Variants in SEZ6L observed in about 807,000 individuals in gnomAD.
The protein encoded by SEZ6L is seizure related 6 homolog like.
In SEZ6L, 37 loss-of-function variants were observed where a neutral mutation model predicts 106.2. The ratio of observed to expected loss-of-function variants is 0.35; its 90% CI spans 0.27 to 0.46. The LOEUF (loss-of-function observed/expected upper bound fraction) is 0.46. Ranked by LOEUF, SEZ6L falls within the 20% of genes least tolerant of loss-of-function variation. SEZ6L has a pLI of 1.00. For synonymous variants in SEZ6L, 541 were observed against 570.4 expected (o/e 0.95, Z 0.73); for missense variants, 1,172 against 1,332.8 (o/e 0.88, Z 1.88).
intron 1 of SEZ6L, among the ~76,000 whole-genome samples, chr22:26,176,908 C>A (rs1435559380): frequency 6.6e-6 from 1 of 152,140 alleles, no homozygotes; most frequent in Non-Finnish European, 1.5e-5. Context: ...CACATTTTAT[C>A]CCTCTACTAT....
At chr22:26,293,939 T>C (rs551623056) in intron 2 of SEZ6L, among the ~76,000 whole-genome samples, 55 of 152,306 alleles carry the variant, frequency 3.6e-4, no homozygotes, top group African/African-American at 1.3e-3. Context: ...TCAAAGCACG[T>C]GAGCTCTGGG....
chr22:26,181,996 C>T (rs926901824), intron 1 of SEZ6L, among the ~76,000 whole-genome samples: 3 of 152,194 alleles, frequency 2.0e-5, no homozygotes, highest in Non-Finnish European at 4.4e-5. Flanking sequence ...TTATTAATCA[C>T]TGCCCCATAG....
chr22:26,298,776 C>T (rs561919610), intron 4 of SEZ6L, among the ~76,000 whole-genome samples: 66 of 152,164 alleles, frequency 4.3e-4, no homozygotes, highest in African/African-American at 1.5e-3. Context: ...GGCAGGGTGG[C>T]GATTTTTAAG....
chr22:26,234,219 G>A (rs1368317985), intron 1 of SEZ6L, among the ~76,000 whole-genome samples: 1 of 152,182 alleles, frequency 6.6e-6, no homozygotes, highest in African/African-American at 2.4e-5. Context: ...GCTCCTTGCT[G>A]CATCTTGGGA....
At chr22:26,328,903 C>T (rs2056506511) in intron 9 of SEZ6L, among the ~76,000 whole-genome samples, 1 of 152,132 alleles carries the variant, frequency 6.6e-6, no homozygotes, top group African/African-American at 2.4e-5. Flanking sequence ...CCTGGCTGCC[C>T]AGGAGAACCC....
intron 9 of SEZ6L, 83 bp downstream of exon 9, chr22:26,313,985 A>C: frequency 7.2e-7 from 1 of 1,384,462 alleles, no homozygotes. Context: ...TATTCTTTCA[A>C]CCAATATTAA....
At chr22:26,341,488 G>A (rs906956657) in intron 10 of SEZ6L, among the ~76,000 whole-genome samples, 4 of 151,988 alleles carry the variant, frequency 2.6e-5, no homozygotes, top group African/African-American at 7.3e-5. Flanking sequence ...CTAGACTCAC[G>A]CCCTCCATGC....
intron 13 of SEZ6L, among the ~76,000 whole-genome samples, chr22:26,366,906 C>T (rs2083833889): frequency 6.6e-6 from 1 of 152,146 alleles, no homozygotes; most frequent in Non-Finnish European, 1.5e-5. Context: ...TCCTCTGCCT[C>T]TGAGTAGCTG....
intron 1 of SEZ6L, among the ~76,000 whole-genome samples, chr22:26,261,163 T>C (rs1265623165): frequency 6.6e-6 from 1 of 152,208 alleles, no homozygotes; most frequent in Non-Finnish European, 1.5e-5. Flanking sequence ...AGTGTGAAGA[T>C]TTTCTCTCAC....
At chr22:26,377,617 T>C in intron 15 of SEZ6L, 56 bp from the exon 16 acceptor site, 3 of 1,403,904 alleles carry the variant, frequency 2.1e-6, no homozygotes, top group Non-Finnish European at 3.0e-6. Flanking sequence ...CGTTCAATAT[T>C]GTAATGTTTC....
intron 1 of SEZ6L, among the ~76,000 whole-genome samples, chr22:26,265,830 G>A (rs2080158348): frequency 6.6e-6 from 1 of 152,150 alleles, no homozygotes; most frequent in African/African-American, 2.4e-5. Context: ...ATAGGGAGGT[G>A]AGGATCATTC....
At chr22:26,310,413 G>A (rs925653508) in intron 6 of SEZ6L, among the ~76,000 whole-genome samples, 4 of 152,190 alleles carry the variant, frequency 2.6e-5, no homozygotes, top group African/African-American at 7.2e-5. Context: ...GGACACACCT[G>A]TAATCTCAGC....
chr22:26,179,741 C>T (rs1162186331), intron 1 of SEZ6L, among the ~76,000 whole-genome samples: 1 of 152,210 alleles, frequency 6.6e-6, no homozygotes, highest in Non-Finnish European at 1.5e-5. Flanking sequence ...CATGCATCTG[C>T]TTCTCCCCAC....
intron 12 of SEZ6L, among the ~76,000 whole-genome samples, chr22:26,355,846 A>G (rs766645878): frequency 6.6e-6 from 1 of 152,228 alleles, no homozygotes; most frequent in Non-Finnish European, 1.5e-5. Context: ...ACTGAAAGCC[A>G]TATCTTTTTA....
intron 9 of SEZ6L, among the ~76,000 whole-genome samples, chr22:26,316,004 A>G (rs1212034288): frequency 6.6e-6 from 1 of 152,082 alleles, no homozygotes; most frequent in Non-Finnish European, 1.5e-5. Context: ...GCAGTGAGCC[A>G]TGATTGCACC....
In SEZ6L at chr22:26,347,832, G is replaced by A. The variant is rs748996632; in HGVS notation, c.2326G>A (p.Gly776Ser). 22 of 1,605,372 alleles carry A rather than the reference G, an allele frequency of 1.4e-5. No individual in the cohort carries two copies. Among genetic ancestry groups the A allele is most frequent in the East Asian group, 2.3e-5 (1 of 44,088 alleles). The change falls in exon 11 of 17, where the codon GGC becomes AGC. Residue 776 changes from glycine to serine, a missense_variant. Coordinates refer to ENST00000248933, the MANE Select transcript of SEZ6L (RefSeq NM_021115.5). Reference sequence around the variant, plus strand: ...CAGAATCACCTACCAGTGTGACCCCGGCTATGACATCGTGGGGAGTGACAC... The same window carrying A: ...CAGAATCACCTACCAGTGTGACCCCAGCTATGACATCGTGGGGAGTGACAC... ...GARITYQCDP[G>S]YDIVGSDTLT...
intron 5 of SEZ6L, among the ~76,000 whole-genome samples, chr22:26,299,386 T>C (rs2081387581): frequency 6.6e-6 from 1 of 152,342 alleles, no homozygotes; most frequent in East Asian, 1.9e-4. Flanking sequence ...GTTCACGCTA[T>C]TGTGCAACCA....
intron 12 of SEZ6L, among the ~76,000 whole-genome samples, chr22:26,356,929 C>T (rs947866777): frequency 1.3e-5 from 2 of 151,024 alleles, no homozygotes; most frequent in African/African-American, 4.9e-5. Context: ...CACAAGGGTC[C>T]AACACATCAT....
chr22:26,234,874 G>A (rs1165417961), intron 1 of SEZ6L, among the ~76,000 whole-genome samples: 1 of 152,232 alleles, frequency 6.6e-6, no homozygotes, highest in Non-Finnish European at 1.5e-5. Context: ...ATCAGGGAAG[G>A]CTACCTGGAA....
Sources: allele counts gnomAD v4.1 joint callset (sites outside exome capture counted in the v4.1 genomes callset), GRCh38; gene constraint gnomAD v4.1.1; transcripts MANE v1.5; gene names NCBI Gene and HGNC (gene_info 2026-07-23, HGNC 2026-07-21).